Variants in DENND2B observed in about 807,000 individuals in gnomAD.
DENND2B encodes DENN domain containing 2B, also known as DENN domain-containing protein 2B.
In DENND2B, 32 loss-of-function variants were observed where a neutral mutation model predicts 116.0. That is an observed-to-expected ratio of 0.28 (90% CI 0.21 to 0.37). The LOEUF (loss-of-function observed/expected upper bound fraction) is 0.37, where lower values mean the gene tolerates loss of function less well. Among genes scored for constraint, DENND2B ranks in the 10% least tolerant of loss-of-function variants. The probability of loss-of-function intolerance (pLI) is 1.00; values close to 1 mark genes in which losing one functional copy is unlikely to be tolerated. For missense variants in DENND2B, 1,276 were observed against 1,477.7 expected (o/e 0.86, Z 2.24); for synonymous variants, 588 against 583.9 (o/e 1.01, Z -0.10).
chr11:8,723,211 TG>T (rs564995557), intron 4 of DENND2B, among the ~76,000 whole-genome samples: 13 of 152,330 alleles, frequency 8.5e-5, no homozygotes, highest in Non-Finnish European at 1.6e-4. Flanking sequence ...TGTGTTTTTC[TG>T]ATGTCCCTTG....
At chr11:8,828,552 C>G (rs1179219937) in intron 4 of DENND2B, among the ~76,000 whole-genome samples, 1 of 152,122 alleles carries the variant, frequency 6.6e-6, no homozygotes, top group Admixed American at 6.5e-5. Context: ...CTTTCTTCCA[C>G]CATGATCCCT....
chr11:8,736,424 A>G (rs2049048251), intron 2 of DENND2B, among the ~76,000 whole-genome samples: 1 of 152,178 alleles, frequency 6.6e-6, no homozygotes, highest in Admixed American at 6.5e-5. Flanking sequence ...TCTATAGGTT[A>G]CATTCTGGTA....
At chr11:8,735,894 T>C (rs1315438008) in intron 2 of DENND2B, among the ~76,000 whole-genome samples, 1 of 152,224 alleles carries the variant, frequency 6.6e-6, no homozygotes, top group Non-Finnish European at 1.5e-5. Context: ...GAGAGAGTGC[T>C]CATTCCTGGG....
At chr11:8,881,959 C>G (rs1000650082) in intron 1 of DENND2B, among the ~76,000 whole-genome samples, 2 of 151,948 alleles carry the variant, frequency 1.3e-5, no homozygotes, top group African/African-American at 4.8e-5. Context: ...TTTTCACTGG[C>G]CTTCATTTAC....
chr11:8,774,787 T>C (rs1390144237), intron 1 of DENND2B, among the ~76,000 whole-genome samples: 2 of 152,014 alleles, frequency 1.3e-5, no homozygotes, highest in Non-Finnish European at 2.9e-5. Flanking sequence ...TAGGATGATG[T>C]TACTTGCTTC....
intron 2 of DENND2B, among the ~76,000 whole-genome samples, chr11:8,879,009 A>C (rs1405288412): frequency 6.6e-6 from 1 of 152,230 alleles, no homozygotes; most frequent in Non-Finnish European, 1.5e-5. Flanking sequence ...TGAATTATAC[A>C]CTTTAAAATG....
At chr11:8,699,771 C>A in intron 14 of DENND2B, 1 of 442,474 alleles carries the variant, frequency 2.3e-6, no homozygotes, top group Non-Finnish European at 4.5e-6. Flanking sequence ...CCCTCTCCCA[C>A]CCCACATCAG....
intron 1 of DENND2B, among the ~76,000 whole-genome samples, chr11:8,775,580 G>T (rs1394977989): frequency 3.3e-5 from 5 of 152,084 alleles, no homozygotes; most frequent in Admixed American, 3.3e-4. Context: ...TTCCTGGCAG[G>T]GAGCATGCAA....
intron 3 of DENND2B, among the ~76,000 whole-genome samples, chr11:8,841,968 T>C (rs946752794): frequency 5.9e-5 from 9 of 152,054 alleles, no homozygotes; most frequent in Non-Finnish European, 1.2e-4. Context: ...TATCCCCCAT[T>C]CTCCACGATT....
In DENND2B at chr11:8,726,065, T is replaced by C. The variant is rs1359783919; in HGVS notation, c.1477+8A>G. The C allele has an allele frequency of 1.7e-5, 27 of 1,613,894 alleles. No homozygotes were observed. The highest frequency in any genetic ancestry group is 2.2e-5 in the East Asian group (1 of 44,896). On this transcript the variant is annotated splice_region_variant and intron_variant, in intron 4 of 19. Transcript: ENST00000313726. The stretch of plus-strand genomic sequence containing the variant: ...GATGACCCAGGTGCCACCTCTGCCA[T>C]TGCTTACCCACAATATCTTCATAGG...
chr11:8,810,814 C>T (rs2061332219), upstream of DENND2B: 1 of 151,878 alleles, frequency 6.6e-6, no homozygotes, highest in Non-Finnish European at 1.5e-5. Context: ...CTGTCTCTCT[C>T]TCTCTCTCTC....
At chr11:8,718,304 A>C (rs2045438552) in intron 4 of DENND2B, 10 of 1,454,704 alleles carry the variant, frequency 6.9e-6, no homozygotes, top group Non-Finnish European at 8.4e-6. Context: ...AAGGGTTTTC[A>C]GGTCACATGG....
At chr11:8,831,251 T>G (rs1303800866) in intron 4 of DENND2B, among the ~76,000 whole-genome samples, 1 of 152,112 alleles carries the variant, frequency 6.6e-6, no homozygotes, top group Non-Finnish European at 1.5e-5. Context: ...GGGTGTAAAA[T>G]GGGGAGGATT....
At chr11:8,749,307 T>G (rs950253477) in intron 2 of DENND2B, among the ~76,000 whole-genome samples, 3 of 152,206 alleles carry the variant, frequency 2.0e-5, no homozygotes, top group Non-Finnish European at 2.9e-5. Flanking sequence ...ACTCCCAGCC[T>G]CACTCAGTAC....
intron 1 of DENND2B, chr11:8,766,492 G>T: frequency 1.5e-6 from 1 of 671,598 alleles, no homozygotes; most frequent in Middle Eastern, 5.8e-4. Flanking sequence ...TTCCACACAC[G>T]CTCAGACTTG....
At chr11:8,860,895 C>T (rs2063368685) in intron 2 of DENND2B, among the ~76,000 whole-genome samples, 1 of 152,056 alleles carries the variant, frequency 6.6e-6, no homozygotes, top group Non-Finnish European at 1.5e-5. Context: ...TACTTACAAC[C>T]AACTAACCTT....
chr11:8,852,304 T>A (rs534871652), intron 3 of DENND2B, among the ~76,000 whole-genome samples: 1 of 152,200 alleles, frequency 6.6e-6, no homozygotes, highest in East Asian at 1.9e-4. Flanking sequence ...GAAGAATCAA[T>A]AAAGAGCTTT....
intron 13 of DENND2B, among the ~76,000 whole-genome samples, chr11:8,704,626 AATTT>A (rs1238818625): frequency 1.3e-5 from 2 of 152,128 alleles, no homozygotes; most frequent in Non-Finnish European, 2.9e-5. Context: ...CTCTACAACT[AATTT>A]ATTTATTCTT....
intron 1 of DENND2B, among the ~76,000 whole-genome samples, chr11:8,806,908 C>CTTTTTT (rs71059181): frequency 3.4e-5 from 5 of 146,540 alleles, no homozygotes; most frequent in Non-Finnish European, 1.5e-5. Flanking sequence ...GCCAGATGGT[C>CTTTTTT]TTTTTTTTTT....
Sources: gnomAD v4.1 joint callset for allele counts (sites outside exome capture counted in the v4.1 genomes callset) on GRCh38, gnomAD v4.1.1 for gene constraint, MANE v1.5 for transcripts, NCBI Gene and HGNC (gene_info 2026-07-23, HGNC 2026-07-21) for gene names.